Variants in MPRIP observed in about 807,000 individuals in gnomAD.
MPRIP encodes the protein myosin phosphatase Rho interacting protein, also known as myosin phosphatase Rho-interacting protein.
Under a neutral mutation model 234.9 loss-of-function variants are expected in MPRIP, and 59 were observed. The ratio of observed to expected loss-of-function variants is 0.25; its 90% CI spans 0.20 to 0.31. The LOEUF (loss-of-function observed/expected upper bound fraction) is 0.31. MPRIP is among the 10% of genes least tolerant of loss of function. MPRIP has a pLI of 1.00. For synonymous variants in MPRIP, 1,144 were observed against 1,263.9 expected (o/e 0.91, Z 2.01); for missense variants, 2,436 against 3,071.0 (o/e 0.79, Z 4.89).
In MPRIP at chr17:17,128,841, G is replaced by A. The variant is rs543801880; in HGVS notation, c.419+1988G>A. ...TCCCATTCCTCTGTCTCCTGCCCTCGCTGACAGCCCCCTTCCTCTGCTCCC... is the reference window on the plus strand; with the variant it reads ...TCCCATTCCTCTGTCTCCTGCCCTCACTGACAGCCCCCTTCCTCTGCTCCC... On this transcript the variant is annotated intron_variant, in intron 4 of 23. Transcript: ENST00000651222. Among the ~76,000 whole-genome samples the A allele has an allele frequency of 8.5e-5, 13 of 152,200 alleles. No individual in the cohort carries two copies. The East Asian group carries it at 1.9e-3, about 23-fold the overall frequency.
At chr17:17,055,151 G>A (rs1232409813) in intron 1 of MPRIP, among the ~76,000 whole-genome samples, 2 of 151,990 alleles carry the variant, frequency 1.3e-5, no homozygotes, top group Non-Finnish European at 2.9e-5. Flanking sequence ...CTGTGCCCCT[G>A]TCAAGCCCAG....
At chr17:17,084,640 C>T (rs2089544639) in intron 3 of MPRIP, among the ~76,000 whole-genome samples, 2 of 152,226 alleles carry the variant, frequency 1.3e-5, no homozygotes, top group Non-Finnish European at 1.5e-5. Context: ...GAGGCCGCTC[C>T]ACCAGCACCT....
chr17:17,180,148 C>A, intron 23 of MPRIP, 60 bp downstream of exon 23: 1 of 1,373,660 alleles, frequency 7.3e-7, no homozygotes, highest in Non-Finnish European at 1.0e-6. Flanking sequence ...GGAGAGTAGC[C>A]CAAATTGAAG....
intron 23 of MPRIP, chr17:17,181,618 G>A (rs1414763078): frequency 6.6e-6 from 1 of 152,210 alleles, no homozygotes; most frequent in African/African-American, 2.4e-5. Context: ...TTGGTTCACG[G>A]TTTTCTTACT....
intron 3 of MPRIP, among the ~76,000 whole-genome samples, chr17:17,125,437 C>A (rs2090472678): frequency 6.6e-6 from 1 of 152,240 alleles, no homozygotes; most frequent in African/African-American, 2.4e-5. Flanking sequence ...GAGCCAGCAG[C>A]CATGTAGGCA....
In MPRIP at chr17:17,106,436, G is replaced by A. The variant is rs373998954; in HGVS notation, c.268-20266G>A. ...GAACCTGTGATCTTGAAAGAGTTGA[G>A]CCTCCACCACTTCAGAGAGAGGGCA... On this transcript the variant is annotated intron_variant, in intron 3 of 23. Coordinates refer to ENST00000651222, the MANE Select transcript of MPRIP (RefSeq NM_001364716.4). Among the ~76,000 whole-genome samples the A allele has an allele frequency of 5.9e-5, 9 of 152,356 alleles. No homozygotes were observed. The East Asian group carries it at 7.7e-4, about 13-fold the overall frequency.
At chr17:17,129,768 C>T (rs751646289) in intron 4 of MPRIP, among the ~76,000 whole-genome samples, 2 of 152,218 alleles carry the variant, frequency 1.3e-5, no homozygotes, top group Non-Finnish European at 2.9e-5. Context: ...CCTGGGGTAC[C>T]TGGCAGGGTT....
intron 1 of MPRIP, among the ~76,000 whole-genome samples, chr17:17,073,154 T>C (rs569012850): frequency 6.6e-5 from 10 of 152,264 alleles, no homozygotes; most frequent in African/African-American, 2.4e-4. Context: ...GGAATTGCTT[T>C]GATGAACGCT....
Position 17,051,731 on chromosome 17 carries a change from G to A in MPRIP, c.123+8760G>A, listed in dbSNP as rs554136263. 3.3e-5 allele frequency among the ~76,000 whole-genome samples: 5 copies of A among 152,346 alleles called. No homozygotes were observed. The South Asian group carries it at 1.0e-3, about 32-fold the overall frequency. ...CTTCCGTTGGGGGCAAGAGCACCTA[G>A]GGGGTTGATTCACTGACATTTTGTC... On this transcript the variant is annotated intron_variant, in intron 1 of 23. Coordinates refer to ENST00000651222, the MANE Select transcript of MPRIP (RefSeq NM_001364716.4).
chr17:17,117,883 C>G (rs2090316587), intron 3 of MPRIP, among the ~76,000 whole-genome samples: 1 of 152,226 alleles, frequency 6.6e-6, no homozygotes, highest in Non-Finnish European at 1.5e-5. Context: ...GCGACTTGCC[C>G]AGAATCACAG....
At chr17:17,149,520 C>A (rs1233502288) in intron 11 of MPRIP, among the ~76,000 whole-genome samples, 1 of 151,380 alleles carries the variant, frequency 6.6e-6, no homozygotes, top group Non-Finnish European at 1.5e-5. Context: ...CCGTATTGAA[C>A]AGATGGAATG....
At chr17:17,102,601 A>G (rs1415217264) in intron 3 of MPRIP, among the ~76,000 whole-genome samples, 1 of 152,132 alleles carries the variant, frequency 6.6e-6, no homozygotes, top group African/African-American at 2.4e-5. Context: ...CAGGGTCATT[A>G]AGGAGGTAGT....
intron 3 of MPRIP, among the ~76,000 whole-genome samples, chr17:17,087,975 G>A (rs112626472): frequency 1.2e-4 from 18 of 152,324 alleles, no homozygotes; most frequent in African/African-American, 4.3e-4. Flanking sequence ...GGAATTAGCT[G>A]CCAGCCTGTG....
chr17:17,180,076 C>T lies in MPRIP; in HGVS notation c.7194C>T (p.Asn2398=). 6.3e-7 allele frequency: 1 copy of T among 1,593,170 alleles called. No homozygotes were observed. The highest frequency in any genetic ancestry group is 8.5e-7 in the Non-Finnish European group (1 of 1,174,350). ...DRSCVTRQLR[N]IRSKSLKEGL... is the part of the protein sequence containing the mutation. Reference sequence around the variant, plus strand: ...CCTGTGTCACCCGGCAACTCAGAAACATCAGGTCCAAGGTGAGTCTGGGGT... The same window carrying T: ...CCTGTGTCACCCGGCAACTCAGAAATATCAGGTCCAAGGTGAGTCTGGGGT... Residue 2398 remains asparagine, a synonymous_variant, in exon 23 of 24, where the codon AAC becomes AAT. Transcript: ENST00000651222.
intron 11 of MPRIP, 103 bp from the exon 12 acceptor site, chr17:17,150,041 T>G: frequency 1.2e-6 from 1 of 833,140 alleles, no homozygotes; most frequent in Non-Finnish European, 2.0e-6. Context: ...GTGTATACTA[T>G]TAAAAGTAAA....
Position 17,172,791 on chromosome 17 carries a change from T to C in MPRIP, c.6566T>C (p.Val2189Ala), listed in dbSNP as rs765900017. 2 of 1,612,562 alleles carry C rather than the reference T, an allele frequency of 1.2e-6. No individual in the cohort carries two copies. The highest frequency in any genetic ancestry group is 1.7e-6 in the Non-Finnish European group (2 of 1,180,002). Residue 2189 changes from valine to alanine, a missense_variant, in exon 18 of 24, where the codon GTT becomes GCT. By Grantham distance (64) the Val-to-Ala change is moderately conservative (BLOSUM62 0). Transcript: ENST00000651222. ...RSQISSVNSD[V>A]EALRRQYLEE... is the part of the protein sequence containing the mutation. ...CAGATCAGCAGCGTCAACTCGGATG[T>C]TGAGGCCCTGCGGCGCCAGTACCTG...
At chr17:17,161,150 C>A in intron 14 of MPRIP, 90 bp from the exon 15 acceptor site, 1 of 853,108 alleles carries the variant, frequency 1.2e-6, no homozygotes, top group Non-Finnish European at 1.8e-6. Context: ...TCTTGGGCCA[C>A]ATGGAAGACC....
chr17:17,171,679 A>G, intron 16 of MPRIP, 39 bp from the exon 17 acceptor site: 1 of 1,598,828 alleles, frequency 6.3e-7, no homozygotes, highest in Non-Finnish European at 8.5e-7. Flanking sequence ...ACTTAGAGGT[A>G]AAGAAAGAAG....
chr17:17,152,253 G>A (rs1015243682), intron 12 of MPRIP, among the ~76,000 whole-genome samples: 2 of 152,234 alleles, frequency 1.3e-5, no homozygotes, highest in African/African-American at 2.4e-5. Flanking sequence ...GTCCTCATCC[G>A]CTGTGGGAGG....
Sources: gnomAD v4.1 joint callset for allele counts (sites outside exome capture counted in the v4.1 genomes callset) on GRCh38, gnomAD v4.1.1 for gene constraint, MANE v1.5 for transcripts, NCBI Gene and HGNC (gene_info 2026-07-23, HGNC 2026-07-21) for gene names.